OPCML: variants seen among roughly 807,000 people sequenced by gnomAD.
OPCML encodes the protein opioid-binding protein/cell adhesion molecule.
OPCML carries 13 observed loss-of-function variants against 37.8 expected under a neutral mutation model. The observed-to-expected ratio is 0.34, with a 90% CI of 0.22 to 0.55. The LOEUF is 0.55. Ranked by LOEUF, OPCML falls within the 20% of genes least tolerant of loss-of-function variation. The pLI, the probability that OPCML is intolerant of heterozygous loss-of-function variation, is 0.91. For synonymous variants in OPCML, 176 were observed against 168.8 expected, an observed-to-expected ratio of 1.04 and a Z score of -0.33; for missense variants, 341 against 435.6, an observed-to-expected ratio of 0.78 and a Z score of 1.93.
At chr11:132,743,032 G>A (rs563254890) in intron 2 of OPCML, among the ~76,000 whole-genome samples, 8 of 151,796 alleles carry the variant, frequency 5.3e-5, no homozygotes, top group South Asian at 2.1e-4. Context: ...AAATTCTTAC[G>A]TATTCCCAAG....
intron 4 of OPCML, among the ~76,000 whole-genome samples, chr11:132,459,909 G>A (rs190641352): frequency 4.0e-4 from 61 of 152,164 alleles, no homozygotes; most frequent in African/African-American, 1.2e-3. Context: ...AGTGGTTTTC[G>A]TCCAAGTGAC....
intron 1 of OPCML, among the ~76,000 whole-genome samples, chr11:133,434,148 T>C (rs1357792171): frequency 8.5e-5 from 13 of 152,194 alleles, no homozygotes; most frequent in Admixed American, 8.5e-4. Flanking sequence ...TGAGGAGAAA[T>C]TACCTTTATA....
In OPCML at chr11:132,535,946, A is replaced by G. The variant is rs1012127931; in HGVS notation, c.380-6760T>C. Among the ~76,000 whole-genome samples the G allele has an allele frequency of 2.0e-5, 3 of 152,140 alleles. No individual in the cohort carries two copies. In the East Asian group the frequency reaches 5.8e-4, roughly 29 times the overall value. The stretch of plus-strand genomic sequence containing the variant: ...TGTCAAGAACTCCCACGTTGTCAAG[A>G]ACTCTCTGGGAATTTTTTTTTAATT... On this transcript the variant is annotated intron_variant, in intron 3 of 7. Transcript: ENST00000524381.
intron 4 of OPCML, among the ~76,000 whole-genome samples, chr11:132,497,230 GGGCCTGTC>G (rs1415664842): frequency 6.6e-6 from 1 of 152,020 alleles, no homozygotes; most frequent in Non-Finnish European, 1.5e-5. Context: ...CTACACACTG[GGGCCTGTC>G]GGAGTGGGGA....
chr11:133,499,478 A>C (rs2120519772), intron 1 of OPCML, among the ~76,000 whole-genome samples: 1 of 152,056 alleles, frequency 6.6e-6, no homozygotes, highest in South Asian at 2.1e-4. Flanking sequence ...GAGAAATGGA[A>C]CCTTAACCCC....
At chr11:132,876,160 T>A (rs1004230617) in intron 2 of OPCML, among the ~76,000 whole-genome samples, 3 of 152,060 alleles carry the variant, frequency 2.0e-5, no homozygotes, top group East Asian at 3.9e-4. Context: ...AAGGAAAAAA[T>A]TCATACTGGT....
At chr11:132,940,969 T>C (rs1945556638) in intron 2 of OPCML, among the ~76,000 whole-genome samples, 2 of 151,792 alleles carry the variant, frequency 1.3e-5, no homozygotes, top group South Asian at 4.2e-4. Context: ...TATTCTGGGG[T>C]AAATGTATAG....
intron 1 of OPCML, among the ~76,000 whole-genome samples, chr11:132,952,371 C>T (rs368175336): frequency 6.6e-6 from 1 of 152,300 alleles, no homozygotes; most frequent in Non-Finnish European, 1.5e-5. Flanking sequence ...GGATGAGACA[C>T]AAGTACTGTC....
intron 2 of OPCML, among the ~76,000 whole-genome samples, chr11:132,792,706 C>G (rs1192202112): frequency 6.6e-6 from 1 of 152,148 alleles, no homozygotes; most frequent in Non-Finnish European, 1.5e-5. Context: ...CACCTGCGGC[C>G]CCCAGGAGGG....
intron 3 of OPCML, among the ~76,000 whole-genome samples, chr11:132,612,165 G>T (rs1404701947): frequency 6.6e-6 from 1 of 152,146 alleles, no homozygotes; most frequent in Admixed American, 6.5e-5. Flanking sequence ...ATGTAGGCTG[G>T]ATCTCAGGAA....
At chr11:132,850,021 C>G (rs1312183949) in intron 2 of OPCML, among the ~76,000 whole-genome samples, 1 of 152,212 alleles carries the variant, frequency 6.6e-6, no homozygotes, top group Non-Finnish European at 1.5e-5. Flanking sequence ...ATACTGTCAT[C>G]TTTAACCTGA....
At chr11:132,903,970 A>T (rs1312854791) in intron 2 of OPCML, among the ~76,000 whole-genome samples, 2 of 152,254 alleles carry the variant, frequency 1.3e-5, no homozygotes, top group Non-Finnish European at 2.9e-5. Flanking sequence ...AATCAGCTAT[A>T]TGGCTTCAAG....
chr11:133,034,483 T>C (rs1030452501), intron 1 of OPCML, among the ~76,000 whole-genome samples: 1 of 152,186 alleles, frequency 6.6e-6, no homozygotes, highest in African/African-American at 2.4e-5. Flanking sequence ...TTTATTCATA[T>C]GGCGTGCAGC....
Position 132,681,493 on chromosome 11 carries a change from T to C in OPCML, c.147-24174A>G, listed in dbSNP as rs551181456. On this transcript the variant is annotated intron_variant, in intron 2 of 7. Coordinates refer to ENST00000524381, the MANE Select transcript of OPCML (RefSeq NM_001012393.5). ...GGAGTCCAGTCAGGAACAACTGGACTCTGGGGGAAGATGACCTTCCTGCTC... is the reference window on the plus strand; with the variant it reads ...GGAGTCCAGTCAGGAACAACTGGACCCTGGGGGAAGATGACCTTCCTGCTC... Among the ~76,000 whole-genome samples the C allele has an allele frequency of 2.6e-5, 4 of 152,210 alleles. No homozygotes were observed. In the South Asian group the frequency reaches 8.3e-4, roughly 32 times the overall value.
intron 1 of OPCML, among the ~76,000 whole-genome samples, chr11:133,289,422 C>T (rs1942400720): frequency 6.6e-6 from 1 of 151,484 alleles, no homozygotes; most frequent in Non-Finnish European, 1.5e-5. Context: ...GGTGAAACCC[C>T]GTGTCTACTA....
At chr11:132,576,949 A>T (rs1433419648) in intron 3 of OPCML, among the ~76,000 whole-genome samples, 1 of 152,156 alleles carries the variant, frequency 6.6e-6, no homozygotes, top group East Asian at 1.9e-4. Context: ...CAAGACTGGA[A>T]GGACTGAGAT....
chr11:133,417,857 G>A (rs187794969), intron 1 of OPCML, among the ~76,000 whole-genome samples: 1 of 152,120 alleles, frequency 6.6e-6, no homozygotes, highest in African/African-American at 2.4e-5. Context: ...TGGTAATTGA[G>A]GTCCAGAGAA....
At chr11:132,971,181 G>A (rs1946334896) in intron 1 of OPCML, among the ~76,000 whole-genome samples, 1 of 152,124 alleles carries the variant, frequency 6.6e-6, no homozygotes, top group African/African-American at 2.4e-5. Flanking sequence ...GCTCTGACAA[G>A]ATTGATGAAG....
In OPCML at chr11:132,512,892, C is replaced by T. The variant is rs79897589; in HGVS notation, c.505+16169G>A. Among the ~76,000 whole-genome samples, 620 of 151,872 alleles carry T rather than the reference C, an allele frequency of 4.1e-3. 8 individuals carry two copies. Among genetic ancestry groups the T allele is most frequent in the African/African-American group, 0.014 (584 of 41,478 alleles). ...AAGCTTTTGAGGTAATGGTAATATG[C>T]TGTATCTTGATTAGGATAGTGATTA... On this transcript the variant is annotated intron_variant, in intron 4 of 7. Coordinates refer to ENST00000524381, the MANE Select transcript of OPCML (RefSeq NM_001012393.5).
Sources: gnomAD v4.1 joint callset for allele counts (sites outside exome capture counted in the v4.1 genomes callset) on GRCh38, gnomAD v4.1.1 for gene constraint, MANE v1.5 for transcripts, NCBI Gene and HGNC (gene_info 2026-07-23, HGNC 2026-07-21) for gene names.